Variants in PCMTD1 observed in about 807,000 individuals in gnomAD.
PCMTD1 encodes protein-L-isoaspartate O-methyltransferase domain-containing protein 1.
In PCMTD1, 12 loss-of-function variants were observed where a neutral mutation model predicts 37.6. The ratio of observed to expected loss-of-function variants is 0.32; its 90% confidence interval spans 0.20 to 0.52. The LOEUF (loss-of-function observed/expected upper bound fraction) is 0.52. Ranked by LOEUF, PCMTD1 falls within the 20% of genes least tolerant of loss-of-function variation. The pLI, the probability that PCMTD1 is intolerant of heterozygous loss-of-function variation, is 0.97. For synonymous variants in PCMTD1, 117 were observed against 135.8 expected, an observed-to-expected ratio of 0.86 and a Z score of 0.96; for missense variants, 235 against 421.3, an observed-to-expected ratio of 0.56 and a Z score of 3.87.
At chr8:51,845,953 A>G (rs13281523) in intron 2 of PCMTD1, among the ~76,000 whole-genome samples, 190 bp from the exon 3 acceptor site, 3,080 of 149,664 alleles carry the variant, frequency 0.021, 53 homozygotes, top group South Asian at 0.046. Flanking sequence ...AAAAAAGGGG[A>G]AAAAAAAAAG....
At chr8:51,852,271 C>T (rs922582533) in intron 2 of PCMTD1, among the ~76,000 whole-genome samples, 2 of 152,148 alleles carry the variant, frequency 1.3e-5, no homozygotes, top group Non-Finnish European at 2.9e-5. Flanking sequence ...ACAAATGTAG[C>T]TACAGTCTCA....
At chr8:51,861,807 G>T (rs183727542) in intron 1 of PCMTD1, among the ~76,000 whole-genome samples, 27 of 151,484 alleles carry the variant, frequency 1.8e-4, no homozygotes, top group Admixed American at 5.9e-4. Flanking sequence ...TCCCCTCCTG[G>T]GCTCAAGTAA....
intron 1 of PCMTD1, among the ~76,000 whole-genome samples, chr8:51,891,679 T>C (rs866853662): frequency 4.0e-5 from 4 of 100,212 alleles, no homozygotes; most frequent in South Asian, 4.4e-4. Flanking sequence ...ACAAAAAATA[T>C]ATATATACAT....
chr8:51,827,344 T>G, intron 5 of PCMTD1: 1 of 1,066,518 alleles, frequency 9.4e-7, no homozygotes, highest in South Asian at 1.3e-5. Flanking sequence ...GTTTCCGCTT[T>G]CTATGGTCAA....
rs768199569 is a variant in PCMTD1 at position 51,817,905 on chromosome 8, G to A, written c.*2446C>T. The A allele has an allele frequency of 2.3e-4, 104 of 456,654 alleles. No individual in the cohort carries two copies. Among genetic ancestry groups the A allele is most frequent in the South Asian group, 1.2e-3 (75 of 64,442 alleles). The allele number at this position is 456,654 out of a possible 1,614,324, so 28.3% of individuals were successfully genotyped here. On this transcript the variant is annotated 3_prime_UTR_variant, in exon 6 of 6. Transcript: ENST00000522514. ...GTATGTTTCAGGCAAAACATGCCAC[G>A]GTTCTAGGTCTGTTTTCTCATCTGC...
intron 1 of PCMTD1, among the ~76,000 whole-genome samples, chr8:51,862,284 CTTG>C (rs897737029): frequency 7.2e-5 from 11 of 151,852 alleles, no homozygotes; most frequent in African/African-American, 2.7e-4. Flanking sequence ...TTTAGTAAAC[CTTG>C]TTGTGACAGA....
intron 1 of PCMTD1, among the ~76,000 whole-genome samples, chr8:51,882,254 A>C (rs1218134749): frequency 6.6e-6 from 1 of 152,228 alleles, no homozygotes; most frequent in African/African-American, 2.4e-5. Context: ...CACACAAAAA[A>C]GCATGAGGGA....
rs375754406 is a variant in PCMTD1, at chr8:51,830,868, A to G, written c.706+576T>C. Among the ~76,000 whole-genome samples, 95 of 152,192 alleles carry G rather than the reference A, an allele frequency of 6.2e-4. 1 individual carries two copies. Among genetic ancestry groups the G allele is most frequent in the African/African-American group, 1.9e-3 (79 of 41,526 alleles). ...ACCTACAGTAGATGCCCTTCCCACA[A>G]CCAGTAACTTGCCACCACATCACAA... On this transcript the variant is annotated intron_variant, in intron 5 of 5. Transcript: ENST00000522514.
Position 51,875,331 on chromosome 8 carries a change from C to A in PCMTD1, c.-95-14085G>T, listed in dbSNP as rs141994494. Among the ~76,000 whole-genome samples the A allele has an allele frequency of 7.7e-3, 1,170 of 152,226 alleles. 12 individuals carry two copies. The highest frequency in any genetic ancestry group is 0.027 in the African/African-American group (1,104 of 41,520). ...GAAAAACTTCATGAATTATTTTCAA[C>A]CTCCAAACACATATTATATAATTCA... On this transcript the variant is annotated intron_variant, in intron 1 of 5. Transcript: ENST00000522514.
At chr8:51,820,795 C>T (rs77641444) in intron 5 of PCMTD1, 77 bp from the exon 6 acceptor site, 58,086 of 1,357,396 alleles carry the variant, frequency 0.043, 1,365 homozygotes, top group African/African-American at 0.08. Context: ...TTTCATAGAA[C>T]AAAATGTGTT....
At chr8:51,897,985 G>T (rs1204087573) in intron 1 of PCMTD1, among the ~76,000 whole-genome samples, 1 of 152,040 alleles carries the variant, frequency 6.6e-6, no homozygotes, top group Non-Finnish European at 1.5e-5. Flanking sequence ...TTGGAGACTG[G>T]CTACCCTGGG....
intron 1 of PCMTD1, among the ~76,000 whole-genome samples, chr8:51,892,044 C>T (rs1158173438): frequency 4.6e-5 from 7 of 152,108 alleles, no homozygotes; most frequent in African/African-American, 1.7e-4. Flanking sequence ...CCCCAGCAAA[C>T]CATGAGGAGC....
intron 5 of PCMTD1, among the ~76,000 whole-genome samples, chr8:51,828,246 A>T (rs1231799181): frequency 6.6e-6 from 1 of 152,116 alleles, no homozygotes; most frequent in African/African-American, 2.4e-5. Flanking sequence ...TTTTTTCATT[A>T]CTTCCTTTTA....
chr8:51,864,530 G>A (rs556290993), intron 1 of PCMTD1, among the ~76,000 whole-genome samples: 1 of 152,214 alleles, frequency 6.6e-6, no homozygotes, highest in South Asian at 2.1e-4. Context: ...TTTTCTACTC[G>A]TAATGGAATG....
chr8:51,844,270 G>C lies in PCMTD1; in HGVS notation c.410+1391C>G, dbSNP rs142467783. Among the ~76,000 whole-genome samples, 1,516 of 152,180 alleles carry C rather than the reference G, an allele frequency of 1.0e-2. 31 individuals carry two copies. Among genetic ancestry groups the C allele is most frequent in the African/African-American group, 0.035 (1,436 of 41,532 alleles). On this transcript the variant is annotated intron_variant, in intron 3 of 5. Coordinates refer to ENST00000522514, the MANE Select transcript of PCMTD1 (RefSeq NM_052937.4). ...GATATGAACCAACACAGTAAGCCTT[G>C]AAAAACGAATCAAAATGTGCATTAC...
intron 5 of PCMTD1, among the ~76,000 whole-genome samples, chr8:51,827,743 ATTAT>A (rs2037941429): frequency 6.6e-6 from 1 of 152,144 alleles, no homozygotes; most frequent in South Asian, 2.1e-4. Context: ...CCACCCCCAG[ATTAT>A]TTTGATGAAA....
intron 3 of PCMTD1, among the ~76,000 whole-genome samples, chr8:51,843,719 TA>T (rs1205935620): frequency 6.6e-6 from 1 of 152,194 alleles, no homozygotes; most frequent in Non-Finnish European, 1.5e-5. Context: ...AATCACAACA[TA>T]TTTTCCTGTT....
At chr8:51,854,871 C>T (rs1365682474) in intron 2 of PCMTD1, among the ~76,000 whole-genome samples, 8 of 146,592 alleles carry the variant, frequency 5.5e-5, no homozygotes, top group Middle Eastern at 3.7e-3. Flanking sequence ...CAGAACAAGA[C>T]TTGTCTCAAA....
chr8:51,882,850 G>A (rs1163752455), intron 1 of PCMTD1, among the ~76,000 whole-genome samples: 5 of 150,792 alleles, frequency 3.3e-5, no homozygotes, highest in African/African-American at 7.3e-5. Context: ...AAAAACGGCC[G>A]GACGCAGTGG....
Sources: gnomAD v4.1 joint callset for allele counts (sites outside exome capture counted in the v4.1 genomes callset) on GRCh38, gnomAD v4.1.1 for gene constraint, MANE v1.5 for transcripts, NCBI Gene and HGNC (gene_info 2026-07-23, HGNC 2026-07-21) for gene names.